The following NBEAL1 variants were observed in gnomAD, a reference collection of about 807,000 sequenced individuals.
The protein encoded by NBEAL1 is neurobeachin-like protein 1.
Under a neutral mutation model 351.3 loss-of-function variants are expected in NBEAL1, and 273 were observed. That is an observed-to-expected ratio of 0.78 (90% CI 0.70 to 0.86). The LOEUF (loss-of-function observed/expected upper bound fraction) is 0.86, where lower values mean the gene tolerates loss of function less well. Ranked by LOEUF, NBEAL1 falls within the 40% of genes least tolerant of loss-of-function variation. NBEAL1 has a pLI of 0.00. For missense variants in NBEAL1, 2,961 were observed against 3,201.3 expected (o/e 0.92, Z 1.81); for synonymous variants, 1,050 against 1,086.4 (o/e 0.97, Z 0.66).
intron 33 of NBEAL1, among the ~76,000 whole-genome samples, chr2:203,146,666 A>G: frequency 6.6e-6 from 1 of 152,010 alleles, no homozygotes; most frequent in African/African-American, 2.4e-5. Flanking sequence ...GGTGGTACGC[A>G]CCTGTAGTCC....
chr2:203,063,594 AAG>A (rs903336651), intron 6 of NBEAL1, among the ~76,000 whole-genome samples: 3 of 152,204 alleles, frequency 2.0e-5, no homozygotes, highest in South Asian at 2.1e-4. Flanking sequence ...AAAAGAAAAA[AAG>A]AAATCTTCCT....
chr2:203,123,383 C>G (rs1236679296), intron 19 of NBEAL1, among the ~76,000 whole-genome samples: 1 of 148,472 alleles, frequency 6.7e-6, no homozygotes, highest in East Asian at 2.0e-4. Context: ...GTCGCCCTGG[C>G]TGGAGTGCAG....
chr2:203,126,680 C>T lies in NBEAL1; in HGVS notation c.3109C>T (p.Arg1037Cys), dbSNP rs560212415. The T allele has an allele frequency of 4.6e-5, 70 of 1,519,782 alleles. No individual in the cohort carries two copies. The African/African-American group carries it at 7.8e-4, about 17-fold the overall frequency. The allele number at this position is 1,519,782 out of a possible 1,614,324, so 94.1% of individuals were successfully genotyped here. A position where few individuals can be genotyped will look rare whatever the true frequency, so the allele number is the denominator to read the frequency against. Residue 1037 changes from arginine (R) to cysteine (C), a missense_variant, in exon 22 of 56, where the codon CGT becomes TGT. Physicochemically the swap from Arg to Cys is radical, Grantham distance 180 (BLOSUM62 -3). Coordinates refer to ENST00000683969, the MANE Select transcript of NBEAL1 (RefSeq NM_001378026.1). ...GTATCAATATTTACTCTTTGACTTT[C>T]GTATTTGGAACCGTGGAGATTTTCC... ...QMYQYLLFDF[R>C]IWNRGDFPFR... is the part of the protein sequence containing the mutation.
At chr2:203,138,043 A>G in intron 29 of NBEAL1, 119 bp from the exon 30 acceptor site, 1 of 884,830 alleles carries the variant, frequency 1.1e-6, no homozygotes, top group Non-Finnish European at 1.7e-6. Flanking sequence ...GATACCTGCT[A>G]GAGATAGTAT....
At chr2:203,115,829 G>A (rs181104049) in intron 17 of NBEAL1, among the ~76,000 whole-genome samples, 156 bp from the exon 18 acceptor site, 40 of 152,304 alleles carry the variant, frequency 2.6e-4, no homozygotes, top group African/African-American at 9.1e-4. Flanking sequence ...TAGATAAACT[G>A]GAATATGGAA....
rs1328168436 is a variant in NBEAL1 at position 203,223,550 on chromosome 2, G to A, written c.*6196G>A. ...TGCTGTTACAATGTAGCATTGTAATGTAAGATGAAGAAAAATTAGGATTTA... is the reference window on the plus strand; with the variant it reads ...TGCTGTTACAATGTAGCATTGTAATATAAGATGAAGAAAAATTAGGATTTA... On this transcript the variant is annotated 3_prime_UTR_variant, in exon 56 of 56. Transcript: ENST00000683969. Among the ~76,000 whole-genome samples the A allele has an allele frequency of 6.6e-6, 1 of 151,994 alleles. No individual in the cohort carries two copies. Among genetic ancestry groups the A allele is most frequent in the Non-Finnish European group, 1.5e-5 (1 of 67,934 alleles).
chr2:203,066,971 G>A (rs904215267), intron 6 of NBEAL1, among the ~76,000 whole-genome samples: 10 of 149,112 alleles, frequency 6.7e-5, no homozygotes, highest in Non-Finnish European at 1.5e-4. Context: ...TACCAGGCGG[G>A]GCGGCCGGGC....
chr2:203,212,906 G>A (rs987359947), intron 54 of NBEAL1, among the ~76,000 whole-genome samples: 1 of 152,186 alleles, frequency 6.6e-6, no homozygotes, highest in African/African-American at 2.4e-5. Flanking sequence ...CTGCATTTCA[G>A]GGATAAGATC....
At position 203,029,991 on chromosome 2, in the gene NBEAL1, G is replaced by A. The variant is rs191516250; in HGVS notation, c.52-11774G>A. On this transcript the variant is annotated intron_variant, in intron 2 of 55. Transcript: ENST00000683969. ...CCAGATAATAAGTAAACTAAAGCAA[G>A]ATGGAGGGATGAAGTCATCAGGTAT... is the stretch of plus-strand genomic sequence containing the variant. 4.3e-3 allele frequency among the ~76,000 whole-genome samples: 658 copies of A among 152,274 alleles called. 4 individuals carry two copies. Among genetic ancestry groups the A allele is most frequent in the African/African-American group, 0.015 (625 of 41,556 alleles).
In NBEAL1 at chr2:203,125,435, TG is replaced by T; in HGVS notation, c.2767del (p.Glu923LysfsTer12). ...GCCACTTTAGTGAAGGACAGATTCC[TG>T]AAGAAAAGAATGAAAGCACAGTTCC... ...ISHFSEGQIP[E>X]EKNESTVPES... On this transcript the variant is annotated frameshift_variant, in exon 20 of 56. Transcript: ENST00000683969. LOFTEE classifies it high-confidence loss of function. 2 of 1,547,608 alleles carry T rather than the reference TG, an allele frequency of 1.3e-6. No individual in the cohort carries two copies. The highest frequency in any genetic ancestry group is 1.7e-6 in the Non-Finnish European group (2 of 1,145,190).
intron 42 of NBEAL1, among the ~76,000 whole-genome samples, chr2:203,177,272 C>T (rs1194945221): frequency 6.6e-6 from 1 of 150,432 alleles, no homozygotes; most frequent in Non-Finnish European, 1.5e-5. Flanking sequence ...AGGTGGCACA[C>T]ACCTATAACT....
chr2:203,049,025 G>C (rs1411084042), intron 3 of NBEAL1, among the ~76,000 whole-genome samples: 1 of 140,244 alleles, frequency 7.1e-6, no homozygotes, highest in Non-Finnish European at 1.5e-5. Flanking sequence ...TTTTTTTTTT[G>C]AGACAGAGTC....
chr2:203,090,546 A>G (rs1000057771), intron 10 of NBEAL1, among the ~76,000 whole-genome samples: 1 of 152,162 alleles, frequency 6.6e-6, no homozygotes, highest in African/African-American at 2.4e-5. Flanking sequence ...AATAAAATAA[A>G]TTATATATGA....
intron 2 of NBEAL1, among the ~76,000 whole-genome samples, chr2:203,041,328 C>T (rs890639371): frequency 6.6e-6 from 1 of 152,068 alleles, no homozygotes; most frequent in African/African-American, 2.4e-5. Context: ...AAGAAAGGCA[C>T]ATAAATAAAT....
At chr2:203,053,680 T>C (rs1559334040) in intron 4 of NBEAL1, among the ~76,000 whole-genome samples, 1 of 151,978 alleles carries the variant, frequency 6.6e-6, no homozygotes, top group East Asian at 2.0e-4. Flanking sequence ...CATGCTTGGC[T>C]GATTTTTTTT....
intron 9 of NBEAL1, 31 bp from the exon 10 acceptor site, chr2:203,084,432 T>C (rs2061927980): frequency 1.2e-5 from 15 of 1,230,856 alleles, no homozygotes; most frequent in Non-Finnish European, 1.5e-5. Flanking sequence ...TTTTCATTTT[T>C]ACATGGATGA....
At chr2:203,037,675 A>G (rs1164652505) in intron 2 of NBEAL1, among the ~76,000 whole-genome samples, 5 of 149,096 alleles carry the variant, frequency 3.4e-5, no homozygotes, top group African/African-American at 9.8e-5. Flanking sequence ...AGAACTTCAT[A>G]TAAGTGATAT....
At chr2:203,016,113 A>G (rs982443977) in intron 1 of NBEAL1, 43 bp from the exon 2 acceptor site, 10 of 296,546 alleles carry the variant, frequency 3.4e-5, no homozygotes, top group Non-Finnish European at 5.5e-5. Flanking sequence ...ATTTTTTAGT[A>G]TGGCCTCTTT....
intron 2 of NBEAL1, among the ~76,000 whole-genome samples, chr2:203,020,535 G>A (rs940892444): frequency 3.9e-5 from 6 of 152,040 alleles, no homozygotes; most frequent in Non-Finnish European, 7.4e-5. Flanking sequence ...GCCGGGCATG[G>A]TGGCATGCAC....
Sources: gnomAD v4.1 joint callset for allele counts (sites outside exome capture counted in the v4.1 genomes callset) on GRCh38, gnomAD v4.1.1 for gene constraint, MANE v1.5 for transcripts, NCBI Gene and HGNC (gene_info 2026-07-23, HGNC 2026-07-21) for gene names.